Variants in METTL9 observed in about 807,000 individuals in gnomAD.
METTL9 encodes the protein protein-L-histidine N-pros-methyltransferase.
In METTL9, 10 loss-of-function variants were observed where a neutral mutation model predicts 36.0. That is an observed-to-expected ratio of 0.28 (90% CI 0.17 to 0.47). The LOEUF (loss-of-function observed/expected upper bound fraction) is 0.47, where lower values mean the gene tolerates loss of function less well. Ranked by LOEUF, METTL9 falls within the 20% of genes least tolerant of loss-of-function variation. The pLI is 0.99. For missense variants in METTL9, 246 were observed against 383.5 expected (o/e 0.64, Z 3.00); for synonymous variants, 175 against 149.7 (o/e 1.17, Z -1.23).
intron 4 of METTL9, chr16:21,643,687 AACTT>A: frequency 1.2e-6 from 1 of 820,026 alleles, no homozygotes; most frequent in Admixed American, 2.6e-5. Context: ...AGATTAAACT[AACTT>A]AATATTTAAG....
intron 4 of METTL9, chr16:21,652,448 A>C: frequency 9.5e-7 from 1 of 1,047,896 alleles, no homozygotes; most frequent in Non-Finnish European, 1.4e-6. Flanking sequence ...AATTAATCTG[A>C]AGGAGCTTAA....
At chr16:21,623,815 G>T (rs1965758932) in intron 3 of METTL9, among the ~76,000 whole-genome samples, 1 of 152,086 alleles carries the variant, frequency 6.6e-6, no homozygotes, top group East Asian at 1.9e-4. Context: ...TCTGTCCTCA[G>T]GCTGGAGTGC....
At position 21,599,718 on chromosome 16, in the gene METTL9, G is replaced by A; in HGVS notation, c.-16G>A. Reference sequence around the variant, plus strand: ...CCGGCGCCGGCGGTGATCCGAGCGAGCGGCCGCGGCCCCCGATGAGACTGC... The same window carrying A: ...CCGGCGCCGGCGGTGATCCGAGCGAACGGCCGCGGCCCCCGATGAGACTGC... On this transcript the variant is annotated 5_prime_UTR_variant, in exon 1 of 5. Transcript: ENST00000358154. The surrounding 1 kb of genome is among the most constrained non-coding windows in gnomAD (Gnocchi z 4.4). 6.7e-7 allele frequency: 1 copy of A among 1,483,784 alleles called. No individual in the cohort carries two copies. The highest frequency in any genetic ancestry group is 8.9e-7 in the Non-Finnish European group (1 of 1,123,186). 91.9% of individuals were successfully genotyped at this position (1,483,784 alleles called of 1,614,324 possible).
upstream of METTL9, chr16:21,599,522 G>C: frequency 7.9e-7 from 1 of 1,263,136 alleles, no homozygotes; most frequent in Non-Finnish European, 9.9e-7. This position sits in a 1 kb window ranked among gnomAD's most constrained non-coding sequence, Gnocchi z 4.4. Flanking sequence ...GGGGGCAGCG[G>C]CGTTCCGCGG....
chr16:21,601,752 T>TGTGTGTGTGTAC (rs1271361998), intron 1 of METTL9, among the ~76,000 whole-genome samples: 1 of 136,980 alleles, frequency 7.3e-6, no homozygotes, highest in African/African-American at 2.6e-5. Context: ...TGTGTGTGTG[T>TGTGTGTGTGTAC]GTGTGTGTGT....
rs185721002 is a variant in METTL9, at chr16:21,617,892, G to A, written c.384G>A (p.Val128=). ...TGCTAGGAAGAGGCTCAATGTTTGT[G>A]TTTTCACCAGATCAGTTTCAGAGAC... ...NGLLGRGSMF[V]FSPDQFQRLL... Residue 128 remains valine (V), a synonymous_variant, in exon 3 of 5, where the codon GTG becomes GTA. Transcript: ENST00000358154. The A allele has an allele frequency of 1.1e-4, 174 of 1,613,952 alleles. No homozygotes were observed. The East Asian group carries it at 3.5e-3, about 32-fold the overall frequency.
intron 2 of METTL9, among the ~76,000 whole-genome samples, chr16:21,614,804 T>C (rs1399594883): frequency 6.6e-6 from 1 of 152,214 alleles, no homozygotes; most frequent in Non-Finnish European, 1.5e-5. Flanking sequence ...CTCCGTAGAC[T>C]CTTAAGTCTA....
chr16:21,629,138 C>G (rs1965883042), intron 4 of METTL9, among the ~76,000 whole-genome samples: 1 of 151,964 alleles, frequency 6.6e-6, no homozygotes, highest in Admixed American at 6.6e-5. Context: ...AAGTGATGCC[C>G]CCTCAGTCTC....
intron 2 of METTL9, among the ~76,000 whole-genome samples, chr16:21,617,350 G>A (rs1965578160): frequency 2.0e-5 from 3 of 151,490 alleles, no homozygotes; most frequent in South Asian, 2.1e-4. Context: ...CCTGGGAGGC[G>A]GAGCTTGCAG....
rs188801844 is a variant in METTL9, at chr16:21,618,649, G to T, written c.566+575G>T. Reference sequence around the variant, plus strand: ...ATTAGCTCCTTGTGACTGGCTTATCGCATGTAGCATAATGTCTTCAAGGTT... The same window carrying T: ...ATTAGCTCCTTGTGACTGGCTTATCTCATGTAGCATAATGTCTTCAAGGTT... On this transcript the variant is annotated intron_variant, in intron 3 of 4. Transcript: ENST00000358154. Among the ~76,000 whole-genome samples, 263 of 151,920 alleles carry T rather than the reference G, an allele frequency of 1.7e-3. 2 individuals carry two copies. Among genetic ancestry groups the T allele is most frequent in the African/African-American group, 6.0e-3 (249 of 41,416 alleles).
At chr16:21,618,571 T>A (rs563820992) in intron 3 of METTL9, among the ~76,000 whole-genome samples, 1 of 152,308 alleles carries the variant, frequency 6.6e-6, no homozygotes, top group Admixed American at 6.5e-5. Flanking sequence ...ACCATTCTAC[T>A]TTGTCTATGA....
At chr16:21,597,748 G>A (rs1964981568), upstream of METTL9, among the ~76,000 whole-genome samples, 1 of 152,128 alleles carries the variant, frequency 6.6e-6, no homozygotes, top group South Asian at 2.1e-4. Context: ...TGCTTTGTCT[G>A]TTACACTGAT....
At chr16:21,641,932 C>T in intron 4 of METTL9, 1 of 178,050 alleles carries the variant, frequency 5.6e-6, no homozygotes, top group Non-Finnish European at 1.2e-5. Context: ...AATTACTCAG[C>T]ATGGCATCTT....
chr16:21,612,744 A>G lies in METTL9; in HGVS notation c.265A>G (p.Ile89Val). The G allele has an allele frequency of 6.2e-7, 1 of 1,613,202 alleles. No individual in the cohort carries two copies. The highest frequency in any genetic ancestry group is 8.5e-7 in the Non-Finnish European group (1 of 1,179,822). The change falls in exon 2 of 5, where the codon ATT becomes GTT. Residue 89 changes from isoleucine (I) to valine (V), a missense_variant. Ile to Val is a conservative substitution (Grantham distance 29). Around this residue, in one of 2 missense-constraint regions of METTL9, gnomAD observed 146 missense variants for 302.1 expected, o/e 0.48. Coordinates refer to ENST00000358154, the MANE Select transcript of METTL9 (RefSeq NM_016025.5). ...AACACAGATCTTCTTAAACAACAGCATTGAGAAATCGGGCTGGCTATTTAT... is the reference window on the plus strand; with the variant it reads ...AACACAGATCTTCTTAAACAACAGCGTTGAGAAATCGGGCTGGCTATTTAT... The part of the protein sequence containing the change: ...QGTQIFLNNS[I>V]EKSGWLFIQL...
chr16:21,609,909 CTT>C (rs957140382), intron 1 of METTL9, among the ~76,000 whole-genome samples: 4 of 152,086 alleles, frequency 2.6e-5, no homozygotes, highest in African/African-American at 9.7e-5. Context: ...TTTCAGGCCA[CTT>C]TTAATTTCTG....
chr16:21,618,545 G>A (rs1306644144), intron 3 of METTL9, among the ~76,000 whole-genome samples: 1 of 151,908 alleles, frequency 6.6e-6, no homozygotes, highest in African/African-American at 2.4e-5. Context: ...TTCCCTCCTC[G>A]TAACCCCTGA....
At chr16:21,633,212 C>G (rs1262522431) in intron 4 of METTL9, among the ~76,000 whole-genome samples, 1 of 152,152 alleles carries the variant, frequency 6.6e-6, no homozygotes, top group African/African-American at 2.4e-5. Flanking sequence ...GCCCTGGTCC[C>G]TCTGGCTAAG....
At chr16:21,639,532 G>A (rs1966192060) in intron 4 of METTL9, 1 of 152,210 alleles carries the variant, frequency 6.6e-6, no homozygotes, top group South Asian at 2.1e-4. Context: ...AGTACACACT[G>A]CAGAGTACAC....
At chr16:21,599,518 A>C (rs575805306), upstream of METTL9, 1 of 1,257,362 alleles carries the variant, frequency 8.0e-7, no homozygotes, top group Non-Finnish European at 1.0e-6. The surrounding 1 kb of genome is among the most constrained non-coding windows in gnomAD (Gnocchi z 4.4). Context: ...TGCAGGGGGC[A>C]GCGGCGTTCC....
Sources: gnomAD v4.1 joint callset for allele counts (sites outside exome capture counted in the v4.1 genomes callset) on GRCh38, gnomAD v4.1.1 for gene constraint, gnomAD v4.1.1 regional missense constraint, Gnocchi (gnomAD v3.1) non-coding constraint, MANE v1.5 for transcripts, NCBI Gene and HGNC (gene_info 2026-07-23, HGNC 2026-07-21) for gene names.